The following HMCN1 variants were observed in gnomAD, a reference collection of about 807,000 sequenced individuals.
The protein encoded by HMCN1 is hemicentin 1.
Under a neutral mutation model 625.9 loss-of-function variants are expected in HMCN1, and 321 were observed. The observed-to-expected ratio is 0.51, with a 90% CI of 0.47 to 0.56. HMCN1 has a LOEUF of 0.56. Ranked by LOEUF, HMCN1 falls within the 20% of genes least tolerant of loss-of-function variation. The pLI is 0.00. For missense variants in HMCN1, 6,588 were observed against 6,887.3 expected (o/e 0.96, Z 1.54); for synonymous variants, 2,425 against 2,417.6 (o/e 1.00, Z -0.09).
rs1158082207 is a variant in HMCN1 at position 185,973,591 on chromosome 1, T to A, written c.2371+3098T>A. Among the ~76,000 whole-genome samples, 7 of 152,040 alleles carry A rather than the reference T, an allele frequency of 4.6e-5. No individual in the cohort carries two copies. In the East Asian group the frequency reaches 1.4e-3, roughly 29 times the overall value. The stretch of plus-strand genomic sequence containing the variant: ...ATTACTTCATATCAACAATACTAGA[T>A]CAAAAAATTATGAAAAGGCTATTTA... On this transcript the variant is annotated intron_variant, in intron 15 of 106. Transcript: ENST00000271588.
rs1658103795 is a variant in HMCN1, at chr1:185,792,967, G to A, written c.269-53059G>A. Among the ~76,000 whole-genome samples the A allele has an allele frequency of 2.0e-5, 3 of 152,286 alleles. 1 individual carries two copies. In the South Asian group the frequency reaches 6.2e-4, roughly 32 times the overall value. On this transcript the variant is annotated intron_variant, in intron 1 of 106. Coordinates refer to ENST00000271588, the MANE Select transcript of HMCN1 (RefSeq NM_031935.3). Reference sequence around the variant, plus strand: ...CAATGCTTTCAGTCTCTAGGCTCAAGAATAAACTATCTAGTGTATAGGAGG... The same window carrying A: ...CAATGCTTTCAGTCTCTAGGCTCAAAAATAAACTATCTAGTGTATAGGAGG...
At chr1:185,970,556 A>G in intron 15 of HMCN1, 63 bp downstream of exon 15, 1 of 1,376,612 alleles carries the variant, frequency 7.3e-7, no homozygotes, top group Non-Finnish European at 1.0e-6. Context: ...TTCATGTTTA[A>G]TAACCTTGAA....
intron 1 of HMCN1, among the ~76,000 whole-genome samples, chr1:185,736,359 T>G (rs1354221507): frequency 6.6e-6 from 1 of 152,162 alleles, no homozygotes; most frequent in Non-Finnish European, 1.5e-5. Context: ...AATAAAGAAT[T>G]GAATGATTAT....
chr1:185,924,110 G>C (rs1018202931), intron 8 of HMCN1, among the ~76,000 whole-genome samples: 1 of 150,296 alleles, frequency 6.7e-6, no homozygotes, highest in African/African-American at 2.4e-5. Flanking sequence ...CTACTATGTA[G>C]AGAGGAGATT....
intron 1 of HMCN1, among the ~76,000 whole-genome samples, chr1:185,756,000 TCTC>T (rs1260276867): frequency 6.6e-6 from 1 of 151,998 alleles, no homozygotes; most frequent in Non-Finnish European, 1.5e-5. Context: ...CTAAAGCAGT[TCTC>T]CTGCCTCAGG....
intron 1 of HMCN1, among the ~76,000 whole-genome samples, chr1:185,785,579 A>T (rs1373622310): frequency 2.0e-5 from 3 of 152,200 alleles, no homozygotes; most frequent in Admixed American, 6.5e-5. Flanking sequence ...ATAATTCAGC[A>T]TCCTTCTCTT....
At chr1:185,827,171 CA>C (rs756416016) in intron 1 of HMCN1, among the ~76,000 whole-genome samples, 4,460 of 43,098 alleles carry the variant, frequency 0.1, 145 homozygotes, top group African/African-American at 0.27. Flanking sequence ...GACTCCATCT[CA>C]AAAAAAAAAA....
chr1:185,852,694 G>A (rs904878295), intron 2 of HMCN1, among the ~76,000 whole-genome samples: 1 of 150,346 alleles, frequency 6.7e-6, no homozygotes, highest in Non-Finnish European at 1.5e-5. Flanking sequence ...CTCATAGTAT[G>A]CATAAACCTT....
In HMCN1 at chr1:186,039,886, T is replaced by G. The variant is rs1206270737; in HGVS notation, c.6180+7T>G. On this transcript the variant is annotated splice_region_variant and intron_variant, in intron 39 of 106. Coordinates refer to ENST00000271588, the MANE Select transcript of HMCN1 (RefSeq NM_031935.3). ...TTTTTCTAATGGATTACAGGTACCT[T>G]CATTCATTTCTTTGGTGACATTTAC... The G allele has an allele frequency of 4.3e-6, 7 of 1,612,532 alleles. No homozygotes were observed. The highest frequency in any genetic ancestry group is 5.1e-6 in the Non-Finnish European group (6 of 1,178,808).
rs1663163843 is a variant in HMCN1 at position 185,865,920 on chromosome 1, G to T, written c.621+57G>T. On this transcript the variant is annotated intron_variant, in intron 4 of 106. Coordinates refer to ENST00000271588, the MANE Select transcript of HMCN1 (RefSeq NM_031935.3). ...CCAGCTGCCTTATCAAAATCAGTTA[G>T]GCCAGCCTAATTATGACAGATTTGA... The T allele has an allele frequency of 1.9e-6, 3 of 1,574,952 alleles. No homozygotes were observed. The Admixed American group carries it at 5.0e-5, about 26-fold the overall frequency.
At chr1:185,805,458 T>C (rs1300528650) in intron 1 of HMCN1, among the ~76,000 whole-genome samples, 5 of 152,086 alleles carry the variant, frequency 3.3e-5, no homozygotes, top group Non-Finnish European at 5.9e-5. Context: ...GACAATTTGG[T>C]GTGTGTGTGA....
At chr1:185,846,719 T>G (rs1453971566) in intron 2 of HMCN1, among the ~76,000 whole-genome samples, 1 of 152,188 alleles carries the variant, frequency 6.6e-6, no homozygotes, top group East Asian at 1.9e-4. Flanking sequence ...ATACTCAGAC[T>G]TTTTGGCCAC....
Position 185,996,575 on chromosome 1 carries a change from T to C in HMCN1, c.3779-854T>C, listed in dbSNP as rs558076034. On this transcript the variant is annotated intron_variant, in intron 24 of 106. Coordinates refer to ENST00000271588, the MANE Select transcript of HMCN1 (RefSeq NM_031935.3). ...ATTTCCAGTTTTAAAAGTCACTCTT[T>C]TGGGAGGGAATCATTCGGCTAGAGA... Among the ~76,000 whole-genome samples the C allele has an allele frequency of 9.2e-5, 14 of 152,210 alleles. No homozygotes were observed. The East Asian group carries it at 2.7e-3, about 29-fold the overall frequency.
chr1:186,117,465 C>T lies in HMCN1; in HGVS notation c.11690C>T (p.Pro3897Leu). The change falls in exon 77 of 107, where the codon CCT becomes CTT. Residue 3897 changes from proline (P) to leucine (L), a missense_variant. This residue lies in a region of HMCN1 where 4,628 missense variants were observed against 4,853.1 expected (regional missense o/e 0.95). Transcript: ENST00000271588. ...RTVDLTVQVP[P>L]SIADEPTDFL... ...GTTGTTGTTGTTGTTTTAGTTCCAC[C>T]TTCCATAGCTGATGAGCCTACAGAT... The T allele has an allele frequency of 6.2e-7, 1 of 1,613,530 alleles. No homozygotes were observed. Among genetic ancestry groups the T allele is most frequent in the Non-Finnish European group, 8.5e-7 (1 of 1,179,680 alleles).
At chr1:186,184,039 C>T (rs1653119493) in intron 105 of HMCN1, among the ~76,000 whole-genome samples, 1 of 152,164 alleles carries the variant, frequency 6.6e-6, no homozygotes, top group African/African-American at 2.4e-5. Context: ...GAGAATTTTT[C>T]TCCCTTTCTA....
chr1:185,852,578 ACACACAC>A (rs879770840), intron 2 of HMCN1, among the ~76,000 whole-genome samples: 1 of 2,356 alleles, frequency 4.2e-4, no homozygotes, highest in Non-Finnish European at 7.9e-4. Flanking sequence ...CAAATATCCT[ACACACAC>A]ACACACACAC....
At chr1:186,017,756 G>T (rs1171369328) in intron 33 of HMCN1, among the ~76,000 whole-genome samples, 1 of 151,934 alleles carries the variant, frequency 6.6e-6, no homozygotes, top group East Asian at 1.9e-4. Context: ...AGGAGCACTT[G>T]TCTCTTTTCT....
chr1:185,759,964 G>T (rs1439686504), intron 1 of HMCN1, among the ~76,000 whole-genome samples: 2 of 152,130 alleles, frequency 1.3e-5, no homozygotes, highest in Non-Finnish European at 2.9e-5. Flanking sequence ...CTATAATGAC[G>T]AGCAAATAAC....
At position 186,145,903 on chromosome 1, in the gene HMCN1, G is replaced by A; in HGVS notation, c.14588G>A (p.Cys4863Tyr). The A allele has an allele frequency of 1.9e-6, 3 of 1,613,990 alleles. No homozygotes were observed. The highest frequency in any genetic ancestry group is 2.5e-6 in the Non-Finnish European group (3 of 1,179,996). ...CPGDTTQVTRCNVQACPGGPQ... is the reference protein window; with the variant it reads ...CPGDTTQVTRYNVQACPGGPQ... ...GGAGACACTACTCAGGTGACCAGGT[G>A]CAATGTACAAGCATGTCCAGGTAAG... Residue 4863 changes from cysteine to tyrosine, a missense_variant, in exon 93 of 107, where the codon TGC becomes TAC. This residue lies in a region of HMCN1 where 1,954 missense variants were observed against 2,013.1 expected (regional missense o/e 0.97). Transcript: ENST00000271588.
Sources: gnomAD v4.1 joint callset for allele counts (sites outside exome capture counted in the v4.1 genomes callset) on GRCh38, gnomAD v4.1.1 for gene constraint, gnomAD v4.1.1 regional missense constraint, MANE v1.5 for transcripts, NCBI Gene and HGNC (gene_info 2026-07-23, HGNC 2026-07-21) for gene names.